Variants in SETD2 observed in about 807,000 individuals in gnomAD.
SETD2 encodes the protein SET domain containing 2, histone lysine methyltransferase.
SETD2 carries 31 observed loss-of-function variants against 242.1 expected under a neutral mutation model. The ratio of observed to expected loss-of-function variants is 0.13; its 90% CI spans 0.10 to 0.17. The LOEUF (loss-of-function observed/expected upper bound fraction) is 0.17. Among genes scored for constraint, SETD2 ranks in the 10% least tolerant of loss-of-function variants. The pLI is 1.00. For missense variants in SETD2, 2,481 were observed against 3,046.3 expected (o/e 0.81, Z 4.37); for synonymous variants, 1,006 against 1,066.5 (o/e 0.94, Z 1.11).
intron 18 of SETD2, among the ~76,000 whole-genome samples, chr3:47,035,491 T>A (rs1341418978): frequency 6.6e-6 from 1 of 152,240 alleles, no homozygotes; most frequent in South Asian, 2.1e-4. Flanking sequence ...GCTCCTACTT[T>A]GTGCTTGGCT....
chr3:47,051,109 ATTTT>A (rs995398335), intron 15 of SETD2, among the ~76,000 whole-genome samples: 1 of 135,060 alleles, frequency 7.4e-6, no homozygotes, highest in East Asian at 2.2e-4. Flanking sequence ...GTCTCCCTAC[ATTTT>A]TTTTTTTCTG....
chr3:47,072,527 G>A (rs1575727556), intron 12 of SETD2, among the ~76,000 whole-genome samples: 1 of 151,798 alleles, frequency 6.6e-6, no homozygotes, highest in Non-Finnish European at 1.5e-5. Flanking sequence ...GAGAAAAAAA[G>A]ACTGCAAGCA....
At chr3:47,127,612 A>G in intron 1 of SETD2, 1 of 436,778 alleles carries the variant, frequency 2.3e-6, no homozygotes. Flanking sequence ...CTGTAATCCC[A>G]GCACTTTGGG....
chr3:47,091,675 A>C (rs2041810722), intron 9 of SETD2, among the ~76,000 whole-genome samples: 1 of 152,040 alleles, frequency 6.6e-6, no homozygotes. Context: ...TGGCAGGAGA[A>C]TCACTTCAGC....
intron 17 of SETD2, among the ~76,000 whole-genome samples, chr3:47,039,132 T>C (rs2039157500): frequency 6.6e-6 from 1 of 152,068 alleles, no homozygotes; most frequent in South Asian, 2.1e-4. Context: ...TGAACAAATA[T>C]ATACATGTCT....
intron 2 of SETD2, among the ~76,000 whole-genome samples, chr3:47,125,671 T>C (rs1039319843): frequency 6.6e-6 from 1 of 152,176 alleles, no homozygotes; most frequent in Non-Finnish European, 1.5e-5. Context: ...CCTCAAGTAA[T>C]AATACTGCTG....
chr3:47,019,000 C>T (rs2107492933), intron 19 of SETD2, among the ~76,000 whole-genome samples: 1 of 152,380 alleles, frequency 6.6e-6, no homozygotes, highest in African/African-American at 2.4e-5. Flanking sequence ...ACTTTTCACA[C>T]AGCTGTCGCT....
At chr3:47,077,599 T>TAC (rs1403609362) in intron 12 of SETD2, among the ~76,000 whole-genome samples, 1 of 152,190 alleles carries the variant, frequency 6.6e-6, no homozygotes, top group Non-Finnish European at 1.5e-5. Flanking sequence ...TGTTAATTGA[T>TAC]ACACACACAC....
chr3:47,067,140 G>A (rs1008379601), intron 12 of SETD2, 22 bp from the exon 13 acceptor site: 9 of 1,593,272 alleles, frequency 5.6e-6, no homozygotes, highest in Non-Finnish European at 6.0e-6. Flanking sequence ...AAACCAGAGG[G>A]AGGGTTATTA....
chr3:47,132,797 G>A (rs189832963), intron 1 of SETD2, among the ~76,000 whole-genome samples: 2 of 152,150 alleles, frequency 1.3e-5, no homozygotes, highest in Admixed American at 1.3e-4. Flanking sequence ...GTGTAGTATA[G>A]GCCTCATTTA....
At position 47,122,946 on chromosome 3, in the gene SETD2, G is replaced by T. The variant is rs755852190; in HGVS notation, c.1690C>A (p.Pro564Thr). 1.2e-6 allele frequency: 2 copies of T among 1,613,388 alleles called. No homozygotes were observed. Among genetic ancestry groups the T allele is most frequent in the Non-Finnish European group, 1.7e-6 (2 of 1,179,642 alleles). The change falls in exon 3 of 21, where the codon CCC (proline) becomes ACC (threonine). Residue 564 changes from proline to threonine, a missense_variant. Pro to Thr is a conservative substitution (Grantham distance 38). Transcript: ENST00000409792. The stretch of plus-strand genomic sequence containing the variant: ...GAATTTTTAAATTTATCAGACTTGG[G>T]TATAGGTTTTGAAAGGGTAGATTTA... Reference protein sequence around the residue: ...RYKSTLSKPIPKSDKFKNSFC... With the variant: ...RYKSTLSKPITKSDKFKNSFC...
intron 18 of SETD2, among the ~76,000 whole-genome samples, chr3:47,029,550 G>T (rs927282419): frequency 4.0e-5 from 6 of 151,322 alleles, no homozygotes; most frequent in Non-Finnish European, 8.8e-5. Context: ...GAATACCTGG[G>T]ACTCTAACCC....
chr3:47,067,633 T>G (rs1226792650), intron 12 of SETD2, among the ~76,000 whole-genome samples: 1 of 151,954 alleles, frequency 6.6e-6, no homozygotes, highest in African/African-American at 2.4e-5. Context: ...CAGGCTGGTC[T>G]CGAACTCCTG....
intron 16 of SETD2, 73 bp from the exon 17 acceptor site, chr3:47,042,773 A>G: frequency 7.5e-7 from 1 of 1,339,678 alleles, no homozygotes; most frequent in Non-Finnish European, 1.0e-6. Context: ...AAAATAGCCC[A>G]CTTAAATATG....
At chr3:47,114,876 C>CAAAAAAAAAA (rs764948151) in intron 4 of SETD2, among the ~76,000 whole-genome samples, 1 of 55,078 alleles carries the variant, frequency 1.8e-5, no homozygotes, top group Non-Finnish European at 4.5e-5. Context: ...GAGACTGTCT[C>CAAAAAAAAAA]AAAAAAAAAA....
At chr3:47,154,993 C>CAA (rs202104622) in intron 1 of SETD2, among the ~76,000 whole-genome samples, 6,149 of 139,956 alleles carry the variant, frequency 0.044, 436 homozygotes, top group African/African-American at 0.15. Context: ...GACTCCATCT[C>CAA]AAAAAAAAAA....
In SETD2 at chr3:47,017,313, G is replaced by C. The variant is rs1006981047; in HGVS notation, c.7534-59C>G. 14 of 1,570,442 alleles carry C rather than the reference G, an allele frequency of 8.9e-6. No individual in the cohort carries two copies. In the East Asian group the frequency reaches 3.1e-4, roughly 35 times the overall value. On this transcript the variant is annotated intron_variant, in intron 20 of 20. Transcript: ENST00000409792. This position sits in a 1 kb window ranked among gnomAD's most constrained non-coding sequence, Gnocchi z 4.8. ...CCAATCAGAGCAGAAATTATATGAG[G>C]GGGAGGACAGGGGTGGTAATCCAGC...
chr3:47,024,106 G>A (rs1032937304), intron 18 of SETD2, among the ~76,000 whole-genome samples: 4 of 152,128 alleles, frequency 2.6e-5, no homozygotes, highest in Admixed American at 6.5e-5. Flanking sequence ...TTGGGAGGCC[G>A]AGGCGAGCAG....
At position 47,102,246 on chromosome 3, in the gene SETD2, C is replaced by T. The variant is rs556779363; in HGVS notation, c.4918-691G>A. On this transcript the variant is annotated intron_variant, in intron 7 of 20. Transcript: ENST00000409792. ...CTTGCAGAGATTAAGGGACACTGTACAGTGAGAGTCTCACAGCTAGACATG... is the reference window on the plus strand; with the variant it reads ...CTTGCAGAGATTAAGGGACACTGTATAGTGAGAGTCTCACAGCTAGACATG... Among the ~76,000 whole-genome samples, 13 of 152,326 alleles carry T rather than the reference C, an allele frequency of 8.5e-5. No homozygotes were observed. The South Asian group carries it at 2.5e-3, about 29-fold the overall frequency.
Sources: allele counts gnomAD v4.1 joint callset (sites outside exome capture counted in the v4.1 genomes callset), GRCh38; gene constraint gnomAD v4.1.1; non-coding constraint Gnocchi (gnomAD v3.1); transcripts MANE v1.5; gene names NCBI Gene and HGNC (gene_info 2026-07-23, HGNC 2026-07-21).